Variants in CELF2 observed in about 807,000 individuals in gnomAD.
CELF2 encodes the protein CUGBP Elav-like family member 2.
In CELF2, 8 loss-of-function variants were observed where a neutral mutation model predicts 62.6. The ratio of observed to expected loss-of-function variants is 0.13; its 90% confidence interval spans 0.07 to 0.23. The LOEUF (loss-of-function observed/expected upper bound fraction) is 0.23, where lower values mean the gene tolerates loss of function less well. Among genes scored for constraint, CELF2 ranks in the 10% least tolerant of loss-of-function variants. CELF2 has a pLI of 1.00. For missense variants in CELF2, 333 were observed against 671.0 expected, an observed-to-expected ratio of 0.50 and a Z score of 5.56; for synonymous variants, 258 against 250.0, an observed-to-expected ratio of 1.03 and a Z score of -0.30.
At position 10,943,675 on chromosome 10, in the gene CELF2, T is replaced by G. The variant is rs144748058; in HGVS notation, c.89+23676T>G. Among the ~76,000 whole-genome samples, 122 of 152,286 alleles carry G rather than the reference T, an allele frequency of 8.0e-4. 2 individuals carry two copies. The highest frequency in any genetic ancestry group is 1.5e-3 in the Non-Finnish European group (102 of 68,030). On this transcript the variant is annotated intron_variant, in intron 2 of 13. Transcript: ENST00000636488. ...GTGCAGTGGCACAATCTTGGTTCAC[T>G]GCAACCTCTGCTTCTCGGGTTCCAG...
chr10:10,630,600 C>G, the CELF2 span, among the ~76,000 whole-genome samples: 1 of 152,100 alleles, frequency 6.6e-6, no homozygotes, highest in Admixed American at 6.5e-5. Context: ...CGTTTTGTAG[C>G]CACTAAACCA....
chr10:10,847,760 T>C (rs1283529826), intron 1 of CELF2, among the ~76,000 whole-genome samples: 2 of 152,234 alleles, frequency 1.3e-5, no homozygotes, highest in Non-Finnish European at 2.9e-5. Flanking sequence ...CCAGAGCTTC[T>C]GATTCATTTG....
intron 11 of CELF2, 138 bp from the exon 12 acceptor site, chr10:11,325,698 C>T: frequency 1.4e-6 from 1 of 718,000 alleles, no homozygotes; most frequent in Non-Finnish European, 2.2e-6. Context: ...AAAGGCACTC[C>T]AGCACTTGAC....
At chr10:10,728,077 A>G in the CELF2 span, among the ~76,000 whole-genome samples, 2 of 151,952 alleles carry the variant, frequency 1.3e-5, no homozygotes, top group African/African-American at 4.8e-5. Context: ...GTCTCTGTCT[A>G]GAGATGACCT....
chr10:10,522,364 G>A, the CELF2 span, among the ~76,000 whole-genome samples: 1,910 of 152,054 alleles, frequency 0.013, 41 homozygotes, highest in African/African-American at 0.043. Context: ...CCCAATCTTC[G>A]GCATGCCGAT....
At chr10:10,804,265 A>C (rs959718407) in intron 1 of CELF2, among the ~76,000 whole-genome samples, 12 of 152,242 alleles carry the variant, frequency 7.9e-5, no homozygotes, top group African/African-American at 2.2e-4. Context: ...TGTTAGCCTG[A>C]GAGCAGCCAT....
chr10:10,997,179 G>A lies in CELF2; in HGVS notation c.89+77180G>A, dbSNP rs557878981. Among the ~76,000 whole-genome samples the A allele has an allele frequency of 1.1e-4, 16 of 152,272 alleles. No homozygotes were observed. The South Asian group carries it at 3.3e-3, about 32-fold the overall frequency. On this transcript the variant is annotated intron_variant, in intron 2 of 13. Transcript: ENST00000636488. This position sits in a 1 kb window ranked among gnomAD's most constrained non-coding sequence, Gnocchi z 5.3. ...GCCGTTTTTAATCTGCCAGGCCCTT[G>A]TGTTTCCTCATTTGTGTCATGTGGG...
rs2137814659 is a variant in CELF2 at position 11,017,985 on chromosome 10, G to C, written c.-105G>C. 1.0e-6 allele frequency: 1 copy of C among 993,194 alleles called. No homozygotes were observed. The highest frequency in any genetic ancestry group is 1.1e-4 in the East Asian group (1 of 9,082). 61.5% of individuals were successfully genotyped at this position (993,194 alleles called of 1,614,324 possible). A position where few individuals can be genotyped will look rare whatever the true frequency, so the allele number is the denominator to read the frequency against. ...GACAAGTGCCGGCTCGGCGGCCGCC[G>C]GGGGAGGCCGCGCGCACCTGTCCCT... On this transcript the variant is annotated 5_prime_UTR_variant, in exon 1 of 13. Transcript: ENST00000633077. This position sits in a 1 kb window ranked among gnomAD's most constrained non-coding sequence, Gnocchi z 5.5.
At position 11,332,604 on chromosome 10, in the gene CELF2, A is replaced by G. The variant is rs191660255; in HGVS notation, c.*3551A>G. 1.3e-5 allele frequency: 2 copies of G among 152,800 alleles called. No homozygotes were observed. The highest frequency in any genetic ancestry group is 2.4e-5 in the African/African-American group (1 of 41,550). 9.5% of individuals were successfully genotyped at this position (152,800 alleles called of 1,614,324 possible). A position where few individuals can be genotyped will look rare whatever the true frequency, so the allele number is the denominator to read the frequency against. On this transcript the variant is annotated 3_prime_UTR_variant, in exon 13 of 13. Coordinates refer to ENST00000633077, the MANE Select transcript of CELF2 (RefSeq NM_001326342.2). ...TCCTAATGTCACGCCTACAGCCCCA[A>G]CACAAGCTCCAGTCTTCCTCTTCGG...
At chr10:10,824,589 C>T (rs886517654) in intron 1 of CELF2, among the ~76,000 whole-genome samples, 2 of 152,234 alleles carry the variant, frequency 1.3e-5, no homozygotes, top group Admixed American at 1.3e-4. Flanking sequence ...CATTCTCTAA[C>T]TGGAGCTTTA....
intron 2 of CELF2, among the ~76,000 whole-genome samples, chr10:10,969,191 C>T (rs1433273419): frequency 2.6e-5 from 4 of 152,142 alleles, no homozygotes; most frequent in South Asian, 4.2e-4. Context: ...TGGGAGGCGG[C>T]GGTTGCAATG....
At chr10:11,036,571 A>G (rs1479877696) in intron 1 of CELF2, among the ~76,000 whole-genome samples, 1 of 152,238 alleles carries the variant, frequency 6.6e-6, no homozygotes, top group African/African-American at 2.4e-5. Flanking sequence ...CCTATGATCC[A>G]GTGTTAGAGA....
the CELF2 span, among the ~76,000 whole-genome samples, chr10:10,543,400 C>T: frequency 6.6e-6 from 1 of 152,202 alleles, no homozygotes; most frequent in Non-Finnish European, 1.5e-5. Context: ...AGACGAGGTC[C>T]TTTACAGGAG....
the CELF2 span, among the ~76,000 whole-genome samples, chr10:10,767,210 CGCCACCACCACT>C: frequency 0.075 from 11,404 of 151,954 alleles, 473 homozygotes; most frequent in African/African-American, 0.094. Context: ...CCAACAGTAC[CGCCACCACCACT>C]GCCACCACCA....
the CELF2 span, among the ~76,000 whole-genome samples, chr10:10,565,902 G>A: frequency 6.6e-6 from 1 of 152,180 alleles, no homozygotes; most frequent in Admixed American, 6.5e-5. Flanking sequence ...AGCAATTAAT[G>A]AGGCAGTGGA....
intron 2 of CELF2, among the ~76,000 whole-genome samples, chr10:10,953,061 C>T (rs1317802261): frequency 6.6e-6 from 1 of 152,168 alleles, no homozygotes; most frequent in African/African-American, 2.4e-5. Context: ...AAATGCAATG[C>T]TCATCATGGA....
At chr10:10,658,616 C>T in the CELF2 span, among the ~76,000 whole-genome samples, 19,436 of 152,164 alleles carry the variant, frequency 0.13, 1,538 homozygotes, top group Non-Finnish European at 0.18. Context: ...GTATTTTAAG[C>T]CTGTTTTTCT....
intron 1 of CELF2, among the ~76,000 whole-genome samples, chr10:10,877,889 G>C (rs2061210067): frequency 6.6e-6 from 1 of 152,198 alleles, no homozygotes; most frequent in African/African-American, 2.4e-5. Flanking sequence ...ACCTCCTGTA[G>C]TTGAGAGCAT....
At chr10:11,147,818 A>T (rs2062563624) in intron 1 of CELF2, among the ~76,000 whole-genome samples, 1 of 152,178 alleles carries the variant, frequency 6.6e-6, no homozygotes, top group Admixed American at 6.5e-5. Flanking sequence ...ATCACTTGCA[A>T]ATCCATTTTT....
Sources: gnomAD v4.1 joint callset for allele counts (sites outside exome capture counted in the v4.1 genomes callset) on GRCh38, gnomAD v4.1.1 for gene constraint, Gnocchi (gnomAD v3.1) non-coding constraint, MANE v1.5 for transcripts, NCBI Gene and HGNC (gene_info 2026-07-23, HGNC 2026-07-21) for gene names.